The following TAFA5 variants were observed in gnomAD, a reference collection of about 807,000 sequenced individuals.
TAFA5 encodes TAFA chemokine like family member 5, also known as chemokine-like protein TAFA-5.
A neutral mutation model predicts 15.3 loss-of-function variants in TAFA5; 6 were observed. That is an observed-to-expected ratio of 0.39 (90% CI 0.21 to 0.77). The LOEUF is 0.77. TAFA5 is among the 30% of genes least tolerant of loss of function. The pLI is 0.41. For synonymous variants in TAFA5, 103 were observed against 80.7 expected, an observed-to-expected ratio of 1.28 and a Z score of -1.48; for missense variants, 161 against 193.1, an observed-to-expected ratio of 0.83 and a Z score of 0.98.
At chr22:48,532,702 T>G (rs1387555599) in intron 1 of TAFA5, among the ~76,000 whole-genome samples, 1 of 152,032 alleles carries the variant, frequency 6.6e-6, no homozygotes, top group Non-Finnish European at 1.5e-5. Flanking sequence ...CAGGTCACCA[T>G]GAAAGGGGAA....
At chr22:48,724,625 T>C (rs778735343) in intron 3 of TAFA5, among the ~76,000 whole-genome samples, 1 of 152,204 alleles carries the variant, frequency 6.6e-6, no homozygotes, top group Non-Finnish European at 1.5e-5. Context: ...AAGTAAGCGC[T>C]GAAAAGCACT....
chr22:48,536,400 A>T (rs1489581753), intron 1 of TAFA5, among the ~76,000 whole-genome samples: 1 of 152,240 alleles, frequency 6.6e-6, no homozygotes, highest in Non-Finnish European at 1.5e-5. Flanking sequence ...CCGGAGAGGC[A>T]GGCCGTCCTT....
At chr22:48,736,659 A>G (rs1324811913) in intron 3 of TAFA5, among the ~76,000 whole-genome samples, 2 of 152,240 alleles carry the variant, frequency 1.3e-5, no homozygotes, top group African/African-American at 4.8e-5. Context: ...TCAGCCTTAA[A>G]AAGGAATGGC....
chr22:48,510,410 G>A (rs1921168525), intron 1 of TAFA5, among the ~76,000 whole-genome samples: 1 of 152,364 alleles, frequency 6.6e-6, no homozygotes, highest in East Asian at 1.9e-4. Flanking sequence ...TTTCTCAAAA[G>A]AAGACATCCA....
intron 1 of TAFA5, among the ~76,000 whole-genome samples, chr22:48,645,574 G>A (rs1926831401): frequency 6.6e-6 from 1 of 152,050 alleles, no homozygotes; most frequent in Non-Finnish European, 1.5e-5. Context: ...CCCAGAGCCT[G>A]ACTCTGCCCC....
At chr22:48,744,183 G>A (rs1240401565) in intron 3 of TAFA5, among the ~76,000 whole-genome samples, 3 of 152,162 alleles carry the variant, frequency 2.0e-5, no homozygotes, top group Non-Finnish European at 4.4e-5. Context: ...GGACGATGCT[G>A]GCTCCATGAT....
At chr22:48,621,877 C>T (rs1925850203) in intron 1 of TAFA5, among the ~76,000 whole-genome samples, 1 of 152,142 alleles carries the variant, frequency 6.6e-6, no homozygotes. Context: ...AGGGCTGCAT[C>T]TGCAGGCCTC....
In TAFA5 at chr22:48,711,872, C is replaced by T. The variant is rs560025607; in HGVS notation, c.390+4028C>T. ...CTCCTCAACCCCTTCCGGTGTGGGC[C>T]GTTGCCGTTTACTTCTCTGTGTGGC... is the stretch of plus-strand genomic sequence containing the variant. On this transcript the variant is annotated intron_variant, in intron 3 of 3. Coordinates refer to ENST00000402357, the MANE Select transcript of TAFA5 (RefSeq NM_001082967.3). Among the ~76,000 whole-genome samples the T allele has an allele frequency of 2.1e-3, 320 of 152,308 alleles. 4 individuals are homozygous for T. The highest frequency in any genetic ancestry group is 0.019 in the Admixed American group (290 of 15,304).
At chr22:48,501,562 G>A (rs541062103) in intron 1 of TAFA5, among the ~76,000 whole-genome samples, 2 of 151,716 alleles carry the variant, frequency 1.3e-5, no homozygotes, top group South Asian at 4.1e-4. Context: ...GGGTGCCCGG[G>A]GAGAGATAGA....
chr22:48,653,849 C>T (rs972963020), intron 2 of TAFA5, among the ~76,000 whole-genome samples: 16 of 152,102 alleles, frequency 1.1e-4, no homozygotes, highest in African/African-American at 3.9e-4. Context: ...CCAGCATTCA[C>T]GGGCACTACG....
rs538476882 is a variant in TAFA5 at position 48,527,864 on chromosome 22, G to A, written c.112+38160G>A. On this transcript the variant is annotated intron_variant, in intron 1 of 3. Coordinates refer to ENST00000402357, the MANE Select transcript of TAFA5 (RefSeq NM_001082967.3). ...GTTTCACGGGTAGATGGAGCCCGGC[G>A]CGAGGCTTCAGGCCCGTGTTACATG... 2.0e-5 allele frequency among the ~76,000 whole-genome samples: 3 copies of A among 152,340 alleles called. No individual in the cohort carries two copies. In the South Asian group the frequency reaches 6.2e-4, roughly 32 times the overall value.
chr22:48,618,223 TG>T (rs1164003817), intron 1 of TAFA5, among the ~76,000 whole-genome samples: 1 of 152,136 alleles, frequency 6.6e-6, no homozygotes, highest in African/African-American at 2.4e-5. Flanking sequence ...TCTCTACACC[TG>T]CCCCAGTCCC....
At chr22:48,579,247 C>T (rs753697336) in intron 1 of TAFA5, among the ~76,000 whole-genome samples, 1 of 152,200 alleles carries the variant, frequency 6.6e-6, no homozygotes, top group African/African-American at 2.4e-5. Context: ...TTTGTGAGAA[C>T]AGGTCCTGCC....
intron 2 of TAFA5, among the ~76,000 whole-genome samples, chr22:48,680,095 C>T (rs1375903587): frequency 6.6e-6 from 1 of 152,206 alleles, no homozygotes; most frequent in Non-Finnish European, 1.5e-5. Context: ...GCTGCAGCCC[C>T]GGTGGGTGTG....
intron 1 of TAFA5, among the ~76,000 whole-genome samples, chr22:48,594,964 C>T (rs1007617512): frequency 1.4e-4 from 22 of 151,944 alleles, no homozygotes; most frequent in African/African-American, 5.1e-4. Flanking sequence ...GGTGCCTGTA[C>T]CCCTGAGGGA....
intron 1 of TAFA5, among the ~76,000 whole-genome samples, chr22:48,514,291 CCTT>C (rs1369441240): frequency 2.6e-5 from 4 of 152,172 alleles, no homozygotes; most frequent in South Asian, 2.1e-4. Context: ...TTAAATGACA[CCTT>C]CTTGGCATCT....
chr22:48,585,021 C>G (rs185724212), intron 1 of TAFA5, among the ~76,000 whole-genome samples: 1 of 133,276 alleles, frequency 7.5e-6, no homozygotes, highest in African/African-American at 2.9e-5. Context: ...CAGAATACAC[C>G]ACACACACTA....
At chr22:48,556,403 G>A (rs900020130) in intron 1 of TAFA5, among the ~76,000 whole-genome samples, 3 of 152,206 alleles carry the variant, frequency 2.0e-5, no homozygotes, top group East Asian at 1.9e-4. Context: ...AGAGGCTCCC[G>A]GAATTACATT....
At chr22:48,664,058 G>T (rs1927533290) in intron 2 of TAFA5, among the ~76,000 whole-genome samples, 1 of 152,200 alleles carries the variant, frequency 6.6e-6, no homozygotes, top group African/African-American at 2.4e-5. Flanking sequence ...CCTCATGCTG[G>T]CTTTGCTGTT....
Sources: allele counts gnomAD v4.1 joint callset (sites outside exome capture counted in the v4.1 genomes callset), GRCh38; gene constraint gnomAD v4.1.1; transcripts MANE v1.5; gene names NCBI Gene and HGNC (gene_info 2026-07-23, HGNC 2026-07-21).